Variants in TENM2 observed in about 807,000 individuals in gnomAD.
TENM2 encodes the protein teneurin transmembrane protein 2, also known as teneurin-2.
In TENM2, 52 loss-of-function variants were observed where a neutral mutation model predicts 245.2. That is an observed-to-expected ratio of 0.21 (90% confidence interval 0.17 to 0.27). The LOEUF is 0.27. Ranked by LOEUF, TENM2 falls within the 10% of genes least tolerant of loss-of-function variation. The pLI is 1.00. For missense variants in TENM2, 3,046 were observed against 3,666.8 expected (o/e 0.83, Z 4.37); for synonymous variants, 1,363 against 1,438.9 (o/e 0.95, Z 1.19).
the TENM2 span, among the ~76,000 whole-genome samples, chr5:167,186,371 G>T: frequency 7.9e-5 from 12 of 152,282 alleles, no homozygotes; most frequent in East Asian, 2.1e-3. Flanking sequence ...GAGTTTGGGG[G>T]TGAAAAACTG....
chr5:167,002,559 C>T, the TENM2 span, among the ~76,000 whole-genome samples: 1 of 151,842 alleles, frequency 6.6e-6, no homozygotes, highest in East Asian at 1.9e-4. Flanking sequence ...AATCCCAGCA[C>T]ATTGGGAGGC....
intron 2 of TENM2, among the ~76,000 whole-genome samples, chr5:167,614,356 G>T (rs1441794999): frequency 1.3e-5 from 2 of 152,000 alleles, no homozygotes; most frequent in Non-Finnish European, 2.9e-5. Context: ...TTTTGCATAG[G>T]ATCCTCTCCT....
chr5:166,997,115 C>G, the TENM2 span, among the ~76,000 whole-genome samples: 3 of 152,108 alleles, frequency 2.0e-5, no homozygotes, highest in African/African-American at 4.8e-5. Flanking sequence ...ATATCAGAAG[C>G]CACACCCAGG....
At chr5:167,713,758 C>T (rs769828341) in intron 2 of TENM2, among the ~76,000 whole-genome samples, 14 of 152,212 alleles carry the variant, frequency 9.2e-5, no homozygotes, top group Admixed American at 2.6e-4. Context: ...TATACTCGTG[C>T]GTACGTGCAC....
intron 2 of TENM2, among the ~76,000 whole-genome samples, chr5:167,662,007 A>T (rs1755239299): frequency 1.3e-5 from 2 of 152,208 alleles, no homozygotes; most frequent in African/African-American, 4.8e-5. Flanking sequence ...GAAGGGCCTG[A>T]TTGGCCAGGT....
chr5:167,593,682 G>A (rs560584887), intron 2 of TENM2, among the ~76,000 whole-genome samples: 24 of 152,236 alleles, frequency 1.6e-4, no homozygotes, highest in African/African-American at 3.1e-4. Flanking sequence ...TTTGCCTTTC[G>A]ATGATAATGC....
intron 2 of TENM2, among the ~76,000 whole-genome samples, chr5:167,376,720 T>C (rs1311805203): frequency 6.6e-6 from 1 of 152,166 alleles, no homozygotes; most frequent in Non-Finnish European, 1.5e-5. Context: ...AATCTGTACT[T>C]GACTCCTTTT....
At chr5:167,057,906 C>G in the TENM2 span, among the ~76,000 whole-genome samples, 2 of 152,112 alleles carry the variant, frequency 1.3e-5, no homozygotes, top group Admixed American at 6.5e-5. Context: ...TGACTGGGTC[C>G]TGCTGGAGTT....
chr5:168,184,322 A>T (rs923559186), intron 13 of TENM2, among the ~76,000 whole-genome samples: 1 of 152,164 alleles, frequency 6.6e-6, no homozygotes, highest in Non-Finnish European at 1.5e-5. Context: ...CCAGTCCCCA[A>T]CCAGCAGCTG....
intron 2 of TENM2, among the ~76,000 whole-genome samples, chr5:167,849,468 G>C (rs1417156904): frequency 6.6e-6 from 1 of 152,042 alleles, no homozygotes; most frequent in African/African-American, 2.4e-5. Flanking sequence ...CATGTTCAAG[G>C]GTTTCTGCCC....
chr5:167,780,870 C>T (rs1013196386), intron 2 of TENM2, among the ~76,000 whole-genome samples: 1 of 152,214 alleles, frequency 6.6e-6, no homozygotes, highest in African/African-American at 2.4e-5. Context: ...TGAGACCCAA[C>T]TACACTTACA....
At chr5:167,220,275 T>G in the TENM2 span, among the ~76,000 whole-genome samples, 2 of 152,148 alleles carry the variant, frequency 1.3e-5, no homozygotes, top group Non-Finnish European at 2.9e-5. Context: ...AACTCAAGGT[T>G]TTTAGTTTGT....
chr5:167,354,519 AG>A (rs1193628384), intron 1 of TENM2, among the ~76,000 whole-genome samples: 1 of 152,130 alleles, frequency 6.6e-6, no homozygotes, highest in Non-Finnish European at 1.5e-5. Context: ...CCCATCTTCC[AG>A]TATTCTAATG....
intron 5 of TENM2, among the ~76,000 whole-genome samples, chr5:168,007,698 A>C (rs77082178): frequency 6.6e-6 from 1 of 152,172 alleles, no homozygotes; most frequent in African/African-American, 2.4e-5. Context: ...GAAAATATCT[A>C]CTTCAAGGAT....
chr5:167,904,674 C>T (rs767679471), intron 3 of TENM2, among the ~76,000 whole-genome samples: 13 of 152,120 alleles, frequency 8.5e-5, no homozygotes, highest in African/African-American at 1.2e-4. Flanking sequence ...TCATTTCCCC[C>T]TGTGTCTGTC....
the TENM2 span, among the ~76,000 whole-genome samples, chr5:167,226,792 A>G: frequency 7.9e-5 from 12 of 151,774 alleles, no homozygotes; most frequent in Non-Finnish European, 1.8e-4. Flanking sequence ...GAAGTTCCCC[A>G]CTATTTTTGC....
chr5:168,172,296 G>C (rs780280749), intron 13 of TENM2, among the ~76,000 whole-genome samples: 30 of 152,138 alleles, frequency 2.0e-4, no homozygotes, highest in Non-Finnish European at 3.4e-4. Flanking sequence ...GGGACCAGAG[G>C]GTCCCAAAAC....
intron 9 of TENM2, among the ~76,000 whole-genome samples, chr5:168,111,516 C>G (rs962353559): frequency 7.9e-5 from 12 of 152,142 alleles, no homozygotes; most frequent in African/African-American, 2.9e-4. Context: ...ATTTCATAAT[C>G]ACTCCTAGCT....
the TENM2 span, among the ~76,000 whole-genome samples, chr5:167,042,222 A>G: frequency 9.2e-5 from 14 of 152,300 alleles, no homozygotes; most frequent in Middle Eastern, 3.4e-3. Context: ...GTTCCTTTCG[A>G]TGTAATATGC....
Sources: gnomAD v4.1 joint callset for allele counts (sites outside exome capture counted in the v4.1 genomes callset) on GRCh38, gnomAD v4.1.1 for gene constraint, MANE v1.5 for transcripts, NCBI Gene and HGNC (gene_info 2026-07-23, HGNC 2026-07-21) for gene names.